GALNTL6: variants seen among roughly 807,000 people sequenced by gnomAD.
The protein encoded by GALNTL6 is polypeptide N-acetylgalactosaminyltransferase like 6, also known as polypeptide N-acetylgalactosaminyltransferase-like 6.
A neutral mutation model predicts 73.7 loss-of-function variants in GALNTL6; 46 were observed. The ratio of observed to expected loss-of-function variants is 0.62; its 90% CI spans 0.49 to 0.80. The LOEUF (loss-of-function observed/expected upper bound fraction) is 0.80, where lower values mean the gene tolerates loss of function less well. Among genes scored for constraint, GALNTL6 ranks in the 30% least tolerant of loss-of-function variants. The pLI, the probability that GALNTL6 is intolerant of heterozygous loss-of-function variation, is 0.00. For missense variants in GALNTL6, 604 were observed against 755.0 expected (o/e 0.80, Z 2.34); for synonymous variants, 259 against 263.7 (o/e 0.98, Z 0.17).
At chr4:172,128,389 A>T in intron 2 of GALNTL6, among the ~76,000 whole-genome samples, 1 of 152,306 alleles carries the variant, frequency 6.6e-6, no homozygotes. Flanking sequence ...ACATATATAT[A>T]AAAATTTAAA....
chr4:172,001,388 T>A (rs187565445), intron 2 of GALNTL6, among the ~76,000 whole-genome samples: 18 of 152,210 alleles, frequency 1.2e-4, no homozygotes, highest in Non-Finnish European at 2.1e-4. Context: ...CATTTATAAT[T>A]TACATTTGAT....
At chr4:171,853,059 T>G (rs560520815) in intron 2 of GALNTL6, among the ~76,000 whole-genome samples, 2 of 122,134 alleles carry the variant, frequency 1.6e-5, no homozygotes, top group African/African-American at 6.0e-5. Flanking sequence ...GAGACGGGGT[T>G]TCACCGTGTT....
intron 5 of GALNTL6, among the ~76,000 whole-genome samples, chr4:172,418,673 T>C (rs1260048674): frequency 6.6e-6 from 1 of 152,184 alleles, no homozygotes; most frequent in Non-Finnish European, 1.5e-5. Flanking sequence ...TACCGTGTCA[T>C]TGTGGCAATA....
intron 5 of GALNTL6, among the ~76,000 whole-genome samples, chr4:172,803,210 G>A (rs75075799): frequency 0.014 from 2,182 of 152,254 alleles, 49 homozygotes; most frequent in African/African-American, 0.048. Context: ...CCTAGGCAGC[G>A]GACCAGTACC....
At chr4:172,789,737 G>A (rs1305005784) in intron 5 of GALNTL6, among the ~76,000 whole-genome samples, 2 of 152,214 alleles carry the variant, frequency 1.3e-5, no homozygotes, top group Non-Finnish European at 2.9e-5. Context: ...AGGATATAGG[G>A]CAGGAACCTT....
chr4:172,910,718 G>T (rs1465924818), intron 8 of GALNTL6, among the ~76,000 whole-genome samples: 3 of 152,174 alleles, frequency 2.0e-5, no homozygotes, highest in Admixed American at 6.5e-5. Flanking sequence ...GAAGGACTTT[G>T]GTCCACTAGG....
chr4:172,223,473 T>A (rs1205682951), intron 2 of GALNTL6, among the ~76,000 whole-genome samples: 1 of 152,116 alleles, frequency 6.6e-6, no homozygotes, highest in African/African-American at 2.4e-5. Flanking sequence ...ATGCTATTAC[T>A]CTTCAGTTAG....
intron 7 of GALNTL6, among the ~76,000 whole-genome samples, chr4:172,845,251 A>T (rs1560989090): frequency 6.6e-6 from 1 of 151,814 alleles, no homozygotes; most frequent in Non-Finnish European, 1.5e-5. Flanking sequence ...GAAAAAGAAA[A>T]CAGAAAAAGA....
chr4:172,802,807 AAACAAAC>A (rs1419963439), intron 5 of GALNTL6, among the ~76,000 whole-genome samples: 3 of 151,780 alleles, frequency 2.0e-5, no homozygotes, highest in South Asian at 2.1e-4. Context: ...ACAAACAAAC[AAACAAAC>A]AACAACAACA....
At chr4:172,368,549 A>G (rs1476373922) in intron 5 of GALNTL6, among the ~76,000 whole-genome samples, 1 of 152,232 alleles carries the variant, frequency 6.6e-6, no homozygotes, top group African/African-American at 2.4e-5. Flanking sequence ...TTCCAACATA[A>G]CAGATCACAA....
intron 2 of GALNTL6, among the ~76,000 whole-genome samples, chr4:172,173,847 A>C (rs1250857160): frequency 6.6e-6 from 1 of 152,226 alleles, no homozygotes; most frequent in Non-Finnish European, 1.5e-5. Context: ...TGATCACCCC[A>C]GCAATGGAAA....
intron 5 of GALNTL6, among the ~76,000 whole-genome samples, chr4:172,709,450 A>G (rs2111319501): frequency 6.6e-6 from 1 of 152,340 alleles, no homozygotes; most frequent in South Asian, 2.1e-4. Context: ...CCGACTTACC[A>G]TGATCTTCCT....
intron 5 of GALNTL6, among the ~76,000 whole-genome samples, chr4:172,441,208 C>T (rs1287768574): frequency 6.6e-6 from 1 of 152,094 alleles, no homozygotes; most frequent in Non-Finnish European, 1.5e-5. Context: ...ATCTTCAATA[C>T]TACCTTTACC....
intron 2 of GALNTL6, among the ~76,000 whole-genome samples, chr4:171,820,202 T>C (rs1048574091): frequency 2.0e-5 from 3 of 152,156 alleles, no homozygotes; most frequent in African/African-American, 7.2e-5. Flanking sequence ...CTTCAAGGCA[T>C]CATGACCTCT....
At chr4:172,105,762 G>T (rs573272160) in intron 2 of GALNTL6, among the ~76,000 whole-genome samples, 10 of 152,120 alleles carry the variant, frequency 6.6e-5, no homozygotes, top group East Asian at 5.8e-4. Flanking sequence ...ATGAAATAAA[G>T]AATTTTTTGA....
At chr4:172,097,839 C>T (rs1579135970) in intron 2 of GALNTL6, among the ~76,000 whole-genome samples, 1 of 152,230 alleles carries the variant, frequency 6.6e-6, no homozygotes, top group East Asian at 1.9e-4. Flanking sequence ...TTCCCAACGT[C>T]AGTCAGCATG....
chr4:172,896,613 T>C (rs72708727), intron 8 of GALNTL6, among the ~76,000 whole-genome samples: 3,125 of 152,122 alleles, frequency 0.021, 64 homozygotes, highest in Non-Finnish European at 0.029. Flanking sequence ...GAGACTGGGA[T>C]CCCTCAGGAT....
intron 2 of GALNTL6, among the ~76,000 whole-genome samples, chr4:171,954,274 C>T (rs958179858): frequency 6.6e-6 from 1 of 152,046 alleles, no homozygotes; most frequent in African/African-American, 2.4e-5. Flanking sequence ...TGCTCCAGAG[C>T]AATTCTTGCA....
chr4:172,680,043 A>G (rs1732542919), intron 5 of GALNTL6, among the ~76,000 whole-genome samples: 1 of 152,158 alleles, frequency 6.6e-6, no homozygotes, highest in African/African-American at 2.4e-5. Flanking sequence ...TAATAATCAC[A>G]TATGAGATGA....
Sources: gnomAD v4.1 joint callset for allele counts (sites outside exome capture counted in the v4.1 genomes callset) on GRCh38, gnomAD v4.1.1 for gene constraint, MANE v1.5 for transcripts, NCBI Gene and HGNC (gene_info 2026-07-23, HGNC 2026-07-21) for gene names.